Variants in HDAC4 observed in about 807,000 individuals in gnomAD.
The protein encoded by HDAC4 is histone deacetylase 4.
Under a neutral mutation model 135.1 loss-of-function variants are expected in HDAC4, and 16 were observed. The observed-to-expected ratio is 0.12, with a 90% CI of 0.08 to 0.18. The LOEUF is 0.18. Among genes scored for constraint, HDAC4 ranks in the 10% least tolerant of loss-of-function variants. The pLI, the probability that HDAC4 is intolerant of heterozygous loss-of-function variation, is 1.00. For missense variants in HDAC4, 1,143 were observed against 1,511.8 expected (o/e 0.76, Z 4.05); for synonymous variants, 685 against 653.4 (o/e 1.05, Z -0.74).
At chr2:239,064,770 C>T (rs1291554228) in intron 24 of HDAC4, among the ~76,000 whole-genome samples, 1 of 152,168 alleles carries the variant, frequency 6.6e-6, no homozygotes, top group Non-Finnish European at 1.5e-5. Context: ...GGGAAGAAGA[C>T]ACCCTTTTGT....
intron 2 of HDAC4, among the ~76,000 whole-genome samples, chr2:239,280,185 G>A (rs1011893150): frequency 6.6e-6 from 1 of 152,110 alleles, no homozygotes; most frequent in South Asian, 2.1e-4. Context: ...AAAAAAAAAG[G>A]CATCTGGAAA....
chr2:239,080,922 A>C, intron 22 of HDAC4, 173 bp downstream of exon 22: 1 of 600,522 alleles, frequency 1.7e-6, no homozygotes, highest in South Asian at 2.0e-5. Flanking sequence ...GATAGTCGCC[A>C]AGATTCCACG....
At chr2:239,127,856 C>A (rs1312274718) in intron 11 of HDAC4, among the ~76,000 whole-genome samples, 1 of 152,228 alleles carries the variant, frequency 6.6e-6, no homozygotes, top group African/African-American at 2.4e-5. Flanking sequence ...GACACTGATG[C>A]CAGGGCTCGC....
chr2:239,330,856 T>C (rs1295076769), intron 2 of HDAC4, among the ~76,000 whole-genome samples: 1 of 152,224 alleles, frequency 6.6e-6, no homozygotes, highest in Non-Finnish European at 1.5e-5. Flanking sequence ...AACGTGGTAT[T>C]TGTAACCCAA....
chr2:239,063,962 G>A (rs1354328077), intron 24 of HDAC4, among the ~76,000 whole-genome samples: 2 of 152,198 alleles, frequency 1.3e-5, no homozygotes, highest in African/African-American at 2.4e-5. Context: ...CAGCGGCTGC[G>A]CATGGTCACC....
intron 3 of HDAC4, among the ~76,000 whole-genome samples, chr2:239,217,157 C>A: frequency 6.6e-6 from 1 of 152,120 alleles, no homozygotes; most frequent in East Asian, 1.9e-4. Flanking sequence ...AAAGGGGACC[C>A]GCTGGTGGCA....
At chr2:239,194,726 G>A (rs1283826990) in intron 3 of HDAC4, among the ~76,000 whole-genome samples, 1 of 152,236 alleles carries the variant, frequency 6.6e-6, no homozygotes, top group Non-Finnish European at 1.5e-5. Flanking sequence ...GATGCAGACT[G>A]CAGCTGGGAA....
At chr2:239,278,328 A>T (rs1161672045) in intron 2 of HDAC4, among the ~76,000 whole-genome samples, 3 of 134,916 alleles carry the variant, frequency 2.2e-5, no homozygotes, top group East Asian at 2.3e-4. Context: ...GCATTTGTTT[A>T]AAAAAAAAAT....
intron 2 of HDAC4, among the ~76,000 whole-genome samples, chr2:239,252,285 T>C (rs1482551840): frequency 1.3e-5 from 2 of 152,250 alleles, no homozygotes; most frequent in East Asian, 1.9e-4. Flanking sequence ...TCAACAGCCA[T>C]CGAATGGGTG....
intron 24 of HDAC4, among the ~76,000 whole-genome samples, chr2:239,060,483 T>C (rs928353491): frequency 1.3e-5 from 2 of 152,150 alleles, no homozygotes; most frequent in Non-Finnish European, 2.9e-5. Flanking sequence ...AGGTGGCCAA[T>C]AGGCAGATGC....
chr2:239,111,887 C>A (rs2038708447), intron 13 of HDAC4, among the ~76,000 whole-genome samples, 175 bp from the exon 14 acceptor site: 1 of 152,218 alleles, frequency 6.6e-6, no homozygotes. Flanking sequence ...TGCCCTGAAG[C>A]CTGAGTGGGC....
chr2:239,348,958 G>A (rs963936298), intron 2 of HDAC4, among the ~76,000 whole-genome samples: 2 of 152,224 alleles, frequency 1.3e-5, no homozygotes, highest in Non-Finnish European at 2.9e-5. Context: ...GACTTTCACA[G>A]AACACAGGAG....
intron 11 of HDAC4, among the ~76,000 whole-genome samples, chr2:239,127,011 A>C (rs911229956): frequency 2.6e-5 from 4 of 152,156 alleles, no homozygotes; most frequent in African/African-American, 9.7e-5. Context: ...GCTACCACAC[A>C]ATTGTTCCTG....
chr2:239,371,504 T>C (rs530117869), intron 1 of HDAC4, among the ~76,000 whole-genome samples: 2 of 152,172 alleles, frequency 1.3e-5, no homozygotes, highest in South Asian at 4.2e-4. Flanking sequence ...CAAACATGCA[T>C]GCTCACACAC....
chr2:239,124,726 G>A (rs1227636275), intron 12 of HDAC4, among the ~76,000 whole-genome samples: 329 of 109,900 alleles, frequency 3.0e-3, no homozygotes, highest in Admixed American at 3.6e-3. Flanking sequence ...CTGGTGTGCT[G>A]GCGTGTGGCT....
In HDAC4 at chr2:239,140,000, C is replaced by T. The variant is rs1048395338; in HGVS notation, c.866-204G>A. ...GATTTTCCAGTTTTGCCACTGACTT[C>T]ACTTTTTCTAGGACATGTACGTTAC... On this transcript the variant is annotated intron_variant, in intron 8 of 26. Transcript: ENST00000543185. This position sits in a 1 kb window ranked among gnomAD's most constrained non-coding sequence, Gnocchi z 5.3. Among the ~76,000 whole-genome samples, 2 of 152,238 alleles carry T rather than the reference C, an allele frequency of 1.3e-5. No homozygotes were observed. Among genetic ancestry groups the T allele is most frequent in the African/African-American group, 4.8e-5 (2 of 41,460 alleles).
intron 2 of HDAC4, among the ~76,000 whole-genome samples, chr2:239,267,079 G>C (rs1195408645): frequency 6.6e-6 from 1 of 151,588 alleles, no homozygotes; most frequent in Non-Finnish European, 1.5e-5. Context: ...CTCCGCGGCA[G>C]CTGTACACTG....
intron 24 of HDAC4, among the ~76,000 whole-genome samples, chr2:239,064,060 T>C (rs1234106026): frequency 1.3e-5 from 2 of 152,154 alleles, no homozygotes; most frequent in African/African-American, 4.8e-5. Context: ...CGGAGCCTCG[T>C]AGGTTCTAAG....
intron 15 of HDAC4, among the ~76,000 whole-genome samples, chr2:239,103,398 C>T (rs1435329459): frequency 6.6e-6 from 1 of 152,242 alleles, no homozygotes; most frequent in Non-Finnish European, 1.5e-5. Flanking sequence ...CCGGCTGCGT[C>T]TCTCTGAGGT....
Sources: allele counts gnomAD v4.1 joint callset (sites outside exome capture counted in the v4.1 genomes callset), GRCh38; gene constraint gnomAD v4.1.1; non-coding constraint Gnocchi (gnomAD v3.1); transcripts MANE v1.5; gene names NCBI Gene and HGNC (gene_info 2026-07-23, HGNC 2026-07-21).